Variants in ANP32A observed in about 807,000 individuals in gnomAD.
ANP32A encodes the protein acidic nuclear phosphoprotein 32 family member A.
ANP32A carries 1 observed loss-of-function variant against 33.9 expected under a neutral mutation model. The ratio of observed to expected loss-of-function variants is 0.03; its 90% CI spans 0.01 to 0.14. The LOEUF (loss-of-function observed/expected upper bound fraction) is 0.14. Ranked by LOEUF, ANP32A falls within the 10% of genes least tolerant of loss-of-function variation. ANP32A has a pLI of 1.00. For missense variants in ANP32A, 155 were observed against 306.0 expected (o/e 0.51, Z 3.68); for synonymous variants, 115 against 120.5 (o/e 0.95, Z 0.30).
intron 1 of ANP32A, among the ~76,000 whole-genome samples, chr15:68,796,292 G>T (rs1894063010): frequency 6.6e-6 from 1 of 152,114 alleles, no homozygotes; most frequent in Non-Finnish European, 1.5e-5. Context: ...TGTTGGTCAG[G>T]CTGGTCTTCA....
chr15:68,803,973 T>G (rs1894176834), intron 1 of ANP32A, among the ~76,000 whole-genome samples: 1 of 151,958 alleles, frequency 6.6e-6, no homozygotes, highest in African/African-American at 2.4e-5. Flanking sequence ...AGTTAATTTT[T>G]GTATTTTTAG....
At chr15:68,785,907 G>T (rs999946134) in intron 3 of ANP32A, among the ~76,000 whole-genome samples, 1 of 152,212 alleles carries the variant, frequency 6.6e-6, no homozygotes, top group African/African-American at 2.4e-5. Context: ...CTTCCAGACA[G>T]ATCAAAATAG....
intron 3 of ANP32A, 128 bp from the exon 4 acceptor site, chr15:68,784,723 G>T: frequency 8.9e-7 from 1 of 1,119,512 alleles, no homozygotes; most frequent in Non-Finnish European, 1.3e-6. Flanking sequence ...TGATAAGGAA[G>T]CTTGGATTTG....
rs78084007 is a variant in ANP32A at position 68,790,539 on chromosome 15, T to C, written c.55-2620A>G. On this transcript the variant is annotated intron_variant, in intron 1 of 6. Transcript: ENST00000465139. ...ACAATACTCAAGCAATCACTATTAA[T>C]GCTTTGATTAAAAATAATCGTCATA... 2.8e-3 allele frequency: 430 copies of C among 152,380 alleles called. 3 individuals are homozygous for C. Among genetic ancestry groups the C allele is most frequent in the African/African-American group, 1.0e-2 (414 of 41,584 alleles). The allele number at this position is 152,380 out of a possible 1,614,324, so 9.4% of individuals were successfully genotyped here.
intron 3 of ANP32A, 26 bp downstream of exon 3, chr15:68,787,387 G>C (rs1218298630): frequency 6.2e-7 from 1 of 1,613,892 alleles, no homozygotes. Flanking sequence ...TACCCCTGCA[G>C]GGAGGGGAGG....
chr15:68,812,316 G>A (rs993887258), intron 1 of ANP32A, among the ~76,000 whole-genome samples: 1 of 152,206 alleles, frequency 6.6e-6, no homozygotes, highest in Non-Finnish European at 1.5e-5. Flanking sequence ...GACCCAGCAT[G>A]CAAAGTGTGC....
intron 1 of ANP32A, among the ~76,000 whole-genome samples, chr15:68,819,058 G>A (rs1204554219): frequency 1.3e-5 from 2 of 152,224 alleles, no homozygotes; most frequent in Non-Finnish European, 2.9e-5. Context: ...AGACAAAAAG[G>A]ATCTTGTTTT....
Position 68,778,601 on chromosome 15 carries a change from C to T in ANP32A, c.*1480G>A, listed in dbSNP as rs550208863. The T allele has an allele frequency of 6.6e-6, 1 of 152,268 alleles. No individual in the cohort carries two copies. Among genetic ancestry groups the T allele is most frequent in the African/African-American group, 2.4e-5 (1 of 41,572 alleles). 9.4% of individuals were successfully genotyped at this position (152,268 alleles called of 1,614,324 possible). A position where few individuals can be genotyped will look rare whatever the true frequency, so the allele number is the denominator to read the frequency against. ...ACCATACATTCTTTTTACAATACGA[C>T]AAACAAAACAATGAAAGATATTCAA... On this transcript the variant is annotated 3_prime_UTR_variant, in exon 7 of 7. Transcript: ENST00000465139.
Position 68,780,010 on chromosome 15 carries a change from G to A in ANP32A, c.*71C>T, listed in dbSNP as rs560180350. ...AAGTTTCAGGGGGCAGGATTGGAGG[G>A]GGGGGGGAGAGGGGATATGGGTAAA... is the stretch of plus-strand genomic sequence containing the variant. On this transcript the variant is annotated 3_prime_UTR_variant, in exon 7 of 7. Coordinates refer to ENST00000465139, the MANE Select transcript of ANP32A (RefSeq NM_006305.4). The surrounding 1 kb of genome is among the most constrained non-coding windows in gnomAD (Gnocchi z 4.3). 398 of 1,408,282 alleles carry A rather than the reference G, an allele frequency of 2.8e-4. 1 individual carries two copies. The African/African-American group carries it at 4.2e-3, about 15-fold the overall frequency. 87.2% of individuals were successfully genotyped at this position (1,408,282 alleles called of 1,614,324 possible).
chr15:68,784,715 A>G (rs1893911423), intron 3 of ANP32A, 120 bp from the exon 4 acceptor site: 4 of 1,177,176 alleles, frequency 3.4e-6, no homozygotes, highest in Admixed American at 4.3e-5. Context: ...CTTCCAGGTG[A>G]TAAGGAAGCT....
chr15:68,791,772 G>A (rs751590278), intron 1 of ANP32A: 22 of 152,742 alleles, frequency 1.4e-4, no homozygotes, highest in Non-Finnish European at 2.9e-4. Context: ...ACAGGGCTTA[G>A]ACCTGAGGTT....
chr15:68,787,134 G>A (rs992913046), intron 3 of ANP32A: 1 of 387,490 alleles, frequency 2.6e-6, no homozygotes, highest in Admixed American at 3.8e-5. Flanking sequence ...AGCAGAAACT[G>A]AGTGGAAAAG....
intron 5 of ANP32A, chr15:68,781,271 T>C (rs944021293): frequency 6.7e-6 from 1 of 148,742 alleles, no homozygotes; most frequent in African/African-American, 2.5e-5. Context: ...AAGGTTCTGG[T>C]TTTTTTTTGC....
Position 68,784,584 on chromosome 15 carries a change from T to G in ANP32A, c.339A>C (p.Glu113Asp), listed in dbSNP as rs567352237. 6.2e-7 allele frequency: 1 copy of G among 1,614,134 alleles called. No homozygotes were observed. Among genetic ancestry groups the G allele is most frequent in the East Asian group, 2.2e-5 (1 of 44,888 alleles). Residue 113 changes from glutamate to aspartate, a missense_variant, in exon 4 of 7, where the codon GAA becomes GAC. Glu to Asp is a conservative substitution (Grantham distance 45). Transcript: ENST00000465139. ...LSTIEPLKKL[E>D]NLKSLDLFNC... ...TGAAAAGGTCTAAGCTCTTGAGGTT[T>G]TCTAACTTTTTCTGCAAGCGGAAAA...
chr15:68,818,015 C>T (rs961143780), intron 1 of ANP32A, among the ~76,000 whole-genome samples: 2 of 152,190 alleles, frequency 1.3e-5, no homozygotes, highest in Non-Finnish European at 2.9e-5. Context: ...CGGGCTCAGC[C>T]CCGAGTGGGC....
At chr15:68,786,546 T>TA (rs1268850196) in intron 3 of ANP32A, among the ~76,000 whole-genome samples, 3 of 152,104 alleles carry the variant, frequency 2.0e-5, no homozygotes, top group African/African-American at 7.2e-5. Context: ...AGGTGTGAGA[T>TA]ACCACGCCCG....
chr15:68,797,711 C>A (rs1467827942), intron 1 of ANP32A, among the ~76,000 whole-genome samples: 1 of 152,190 alleles, frequency 6.6e-6, no homozygotes, highest in South Asian at 2.1e-4. Context: ...AAGTGCTTCT[C>A]CCCTCATAGA....
intron 1 of ANP32A, among the ~76,000 whole-genome samples, chr15:68,804,533 A>T (rs779467170): frequency 3.3e-4 from 50 of 152,260 alleles, no homozygotes; most frequent in Non-Finnish European, 6.2e-4. Flanking sequence ...CAAAAATGAA[A>T]ATCTAGTGTC....
chr15:68,809,119 G>T (rs916033471), intron 1 of ANP32A, among the ~76,000 whole-genome samples: 1 of 152,174 alleles, frequency 6.6e-6, no homozygotes, highest in African/African-American at 2.4e-5. Flanking sequence ...GGACCCCAGG[G>T]GTGACTGGAG....
Sources: gnomAD v4.1 joint callset for allele counts (sites outside exome capture counted in the v4.1 genomes callset) on GRCh38, gnomAD v4.1.1 for gene constraint, Gnocchi (gnomAD v3.1) non-coding constraint, MANE v1.5 for transcripts, NCBI Gene and HGNC (gene_info 2026-07-23, HGNC 2026-07-21) for gene names.